The following POLA2 variants were observed in gnomAD, a reference collection of about 807,000 sequenced individuals.
The protein encoded by POLA2 is DNA polymerase alpha subunit B.
POLA2 carries 47 observed loss-of-function variants against 82.8 expected under a neutral mutation model. The observed-to-expected ratio is 0.57, with a 90% CI of 0.45 to 0.72. POLA2 has a LOEUF of 0.72. Among genes scored for constraint, POLA2 ranks in the 30% least tolerant of loss-of-function variants. The pLI, the probability that POLA2 is intolerant of heterozygous loss-of-function variation, is 0.00. For synonymous variants in POLA2, 287 were observed against 286.8 expected (o/e 1.00, Z -0.01); for missense variants, 634 against 728.1 (o/e 0.87, Z 1.49).
chr11:65,278,488 G>A (rs927533471), intron 5 of POLA2, among the ~76,000 whole-genome samples: 3 of 152,136 alleles, frequency 2.0e-5, no homozygotes, highest in Admixed American at 6.6e-5. Flanking sequence ...TTTAAAATAC[G>A]TTTCTGTCTC....
At chr11:65,281,853 C>A in intron 9 of POLA2, 121 bp downstream of exon 9, 1 of 809,022 alleles carries the variant, frequency 1.2e-6, no homozygotes, top group Non-Finnish European at 2.1e-6. Flanking sequence ...AGTTCTCCAT[C>A]TGTAAGTGGG....
rs1258345801 is a variant in POLA2, at chr11:65,282,518, G to A, written c.1003G>A (p.Ala335Thr). The change falls in exon 10 of 18, where the codon GCA (alanine) becomes ACA (threonine). Residue 335 changes from alanine to threonine, a missense_variant. By Grantham distance (58) the Ala-to-Thr change is moderately conservative. Coordinates refer to ENST00000265465, the MANE Select transcript of POLA2 (RefSeq NM_002689.4). ...LPFYQPTEED[A>T]DFEQSMVLVA... ...ATTTTATCAGCCCACTGAAGAGGAT[G>A]CAGGTGAGTTTCGGTTCAAATATTG... The A allele has an allele frequency of 6.2e-7, 1 of 1,612,876 alleles. No individual in the cohort carries two copies. Among genetic ancestry groups the A allele is most frequent in the African/African-American group, 1.3e-5 (1 of 74,894 alleles).
Position 65,294,789 on chromosome 11 carries a change from C to G in POLA2, c.1460+137C>G, listed in dbSNP as rs992184542. On this transcript the variant is annotated intron_variant, in intron 15 of 17. Coordinates refer to ENST00000265465, the MANE Select transcript of POLA2 (RefSeq NM_002689.4). ...AAAGCAGCAAGCTGTGCCAGACCCT[C>G]TAGCCATCTGAGTTTCTCTGTACCC... The G allele has an allele frequency of 6.3e-5, 37 of 591,710 alleles. No homozygotes were observed. In the African/African-American group the frequency reaches 6.5e-4, roughly 10 times the overall value. The allele number at this position is 591,710 out of a possible 1,614,324, so 36.7% of individuals were successfully genotyped here.
At chr11:65,279,714 T>C (rs1006388425) in intron 7 of POLA2, 88 bp downstream of exon 7, 23 of 924,268 alleles carry the variant, frequency 2.5e-5, no homozygotes, top group Non-Finnish European at 3.4e-5. Context: ...CCTTTTTCAC[T>C]TCTTGTCTGT....
At chr11:65,293,608 C>CAAA (rs35492423) in intron 13 of POLA2, among the ~76,000 whole-genome samples, 1 of 73,568 alleles carries the variant, frequency 1.4e-5, no homozygotes. Context: ...GGCTCTGTCT[C>CAAA]AAAAAAAAAA....
rs1949462678 is a variant in POLA2 at position 65,266,607 on chromosome 11, A to G, written c.105A>G (p.Gly35=). Residue 35 remains glycine (G), a synonymous_variant, in exon 2 of 18, where the codon GGA becomes GGG. Transcript: ENST00000265465. The stretch of plus-strand genomic sequence containing the variant: ...TGGTAGAGCTTTGTGTTCAGTATGG[A>G]CAGAATGAGGAGGGAATGGTAGGCG... ...EKLVELCVQY[G]QNEEGMVGEL... is the part of the protein sequence containing the mutation. The G allele has an allele frequency of 6.2e-7, 1 of 1,614,028 alleles. No homozygotes were observed. Among genetic ancestry groups the G allele is most frequent in the Non-Finnish European group, 8.5e-7 (1 of 1,179,988 alleles).
intron 15 of POLA2, among the ~76,000 whole-genome samples, chr11:65,295,324 T>C (rs1441347187): frequency 2.0e-5 from 3 of 152,184 alleles, no homozygotes; most frequent in Non-Finnish European, 4.4e-5. Flanking sequence ...TTCCTGTGCT[T>C]TCCCTTCTCA....
intron 8 of POLA2, among the ~76,000 whole-genome samples, chr11:65,304,471 A>C (rs1431912768): frequency 6.6e-6 from 1 of 151,036 alleles, no homozygotes; most frequent in Admixed American, 6.6e-5. Flanking sequence ...ACTCATCCAT[A>C]TTCACTGGGT....
chr11:65,266,813 G>A (rs1949465916), intron 2 of POLA2, 107 bp downstream of exon 2: 1 of 1,160,418 alleles, frequency 8.6e-7, no homozygotes, highest in Non-Finnish European at 1.3e-6. Context: ...GTCAGGCCTG[G>A]ATTCCAGTCC....
chr11:65,281,871 C>T (rs1949645325), intron 9 of POLA2, 139 bp downstream of exon 9: 1 of 707,134 alleles, frequency 1.4e-6, no homozygotes, highest in Admixed American at 2.2e-5. Flanking sequence ...GGGAACCCAC[C>T]CCTAGGCCAG....
chr11:65,284,188 C>T (rs956733602), intron 10 of POLA2, among the ~76,000 whole-genome samples: 8 of 151,316 alleles, frequency 5.3e-5, no homozygotes, highest in Non-Finnish European at 8.9e-5. Flanking sequence ...TTATTTATTT[C>T]AAGGTGGCCA....
downstream of POLA2, among the ~76,000 whole-genome samples, chr11:65,300,883 G>A (rs767241545): frequency 9.2e-5 from 14 of 152,212 alleles, no homozygotes; most frequent in Non-Finnish European, 1.5e-4. Flanking sequence ...CACCCGGCCT[G>A]TCAGGTTTGT....
chr11:65,294,050 TG>T, intron 13 of POLA2, 102 bp from the exon 14 acceptor site: 1 of 910,670 alleles, frequency 1.1e-6, no homozygotes, highest in Non-Finnish European at 1.8e-6. Context: ...TCCCTCGGGG[TG>T]GGCTCTGCCT....
intron 10 of POLA2, among the ~76,000 whole-genome samples, chr11:65,285,342 T>C (rs1949684915): frequency 6.6e-6 from 1 of 151,884 alleles, no homozygotes; most frequent in Non-Finnish European, 1.5e-5. Context: ...GAGGTAGAAG[T>C]TGCAGTGAGC....
intron 7 of POLA2, chr11:65,280,393 A>AT (rs1949627223): frequency 6.6e-6 from 1 of 152,432 alleles, no homozygotes; most frequent in South Asian, 2.1e-4. Flanking sequence ...AAGAGGTTGT[A>AT]TGGTATGTGG....
intron 10 of POLA2, among the ~76,000 whole-genome samples, chr11:65,285,053 TGACCACAGGAGTTTGA>T (rs1949681782): frequency 6.6e-6 from 1 of 152,084 alleles, no homozygotes; most frequent in Non-Finnish European, 1.5e-5. Flanking sequence ...GAGGATTGCT[TGACCACAGGAGTTTGA>T]GAGCAGCCTG....
intron 13 of POLA2, among the ~76,000 whole-genome samples, chr11:65,293,243 TG>T (rs1354006624): frequency 1.3e-5 from 2 of 152,138 alleles, no homozygotes; most frequent in African/African-American, 4.8e-5. Flanking sequence ...CCACTGGAAA[TG>T]TCTGTGTCTC....
chr11:65,285,368 A>ACT (rs921119203), intron 10 of POLA2, among the ~76,000 whole-genome samples: 3 of 151,094 alleles, frequency 2.0e-5, no homozygotes, highest in Admixed American at 6.6e-5. Flanking sequence ...TCGCCAATGA[A>ACT]CTCCAGCCTG....
At chr11:65,265,976 C>T (rs754342048) in intron 1 of POLA2, among the ~76,000 whole-genome samples, 8 of 152,156 alleles carry the variant, frequency 5.3e-5, no homozygotes, top group Non-Finnish European at 7.3e-5. Flanking sequence ...CAAATTTATA[C>T]CTCCGCCCAC....
Sources: gnomAD v4.1 joint callset for allele counts (sites outside exome capture counted in the v4.1 genomes callset) on GRCh38, gnomAD v4.1.1 for gene constraint, MANE v1.5 for transcripts, NCBI Gene and HGNC (gene_info 2026-07-23, HGNC 2026-07-21) for gene names.